Variants in TEX15 observed in about 807,000 individuals in gnomAD.
The protein encoded by TEX15 is testis-expressed protein 15.
TEX15 carries 171 observed loss-of-function variants against 237.3 expected under a neutral mutation model. That is an observed-to-expected ratio of 0.72 (90% CI 0.64 to 0.82). The LOEUF (loss-of-function observed/expected upper bound fraction) is 0.82. Among genes scored for constraint, TEX15 ranks in the 40% least tolerant of loss-of-function variants. The pLI is 0.00. For synonymous variants in TEX15, 1,338 were observed against 1,269.8 expected (o/e 1.05, Z -1.14); for missense variants, 3,750 against 3,646.5 (o/e 1.03, Z -0.73).
intron 8 of TEX15, among the ~76,000 whole-genome samples, chr8:30,841,334 C>T (rs1291228313): frequency 6.6e-6 from 1 of 152,136 alleles, no homozygotes; most frequent in East Asian, 1.9e-4. Flanking sequence ...GGCCAGACTG[C>T]CTGGTTTAGA....
At position 30,842,218 on chromosome 8, in the gene TEX15, T is replaced by C. The variant is rs768511382; in HGVS notation, c.7949A>G (p.Gln2650Arg). 1.2e-6 allele frequency: 2 copies of C among 1,612,560 alleles called. No homozygotes were observed. The highest frequency in any genetic ancestry group is 1.7e-6 in the Non-Finnish European group (2 of 1,179,390). ...ATTCATTTTTTCTTTTCTCTTCAGC[T>C]GTAAAATCTTCCTTCTGTTATACAG... ...QMLYNRRKIL[Q>R]LKRKEKMNIH... Residue 2650 changes from glutamine (Q) to arginine (R), a missense_variant, in exon 8 of 11, where the codon CAG becomes CGG. By Grantham distance (43) the Gln-to-Arg change is conservative. Coordinates refer to ENST00000643185, the MANE Select transcript of TEX15 (RefSeq NM_001350162.2).
Position 30,837,814 on chromosome 8 carries a change from T to C in TEX15, c.8470A>G (p.Asn2824Asp), listed in dbSNP as rs1271563578. 6.2e-7 allele frequency: 1 copy of C among 1,614,178 alleles called. No homozygotes were observed. The highest frequency in any genetic ancestry group is 1.7e-5 in the Admixed American group (1 of 60,020). Residue 2824 changes from asparagine (N) to aspartate (D), a missense_variant, in exon 10 of 11, where the codon AAC becomes GAC. By Grantham distance (23) the Asn-to-Asp change is conservative (BLOSUM62 1). Transcript: ENST00000643185. ...NLNSMKKRNV[N>D]FSAAETKSDK... ...CTTTTTGTTTCAGCAGCACTGAAGT[T>C]CACATTTCTTTTCTTCATGCTATTT...
intron 2 of TEX15, chr8:30,888,595 A>G (rs1305390239): frequency 7.8e-7 from 1 of 1,285,366 alleles, no homozygotes; most frequent in Admixed American, 2.3e-5. Flanking sequence ...GCTATGGAGT[A>G]TACACACAGG....
At chr8:30,859,399 CTT>C (rs1039352670) in intron 6 of TEX15, among the ~76,000 whole-genome samples, 32 of 151,982 alleles carry the variant, frequency 2.1e-4, no homozygotes, top group African/African-American at 7.0e-4. Flanking sequence ...TCAAAATAGC[CTT>C]GTTTTTTAAA....
intron 3 of TEX15, among the ~76,000 whole-genome samples, chr8:30,885,903 T>C (rs946823570): frequency 1.3e-5 from 2 of 152,224 alleles, no homozygotes; most frequent in African/African-American, 4.8e-5. Flanking sequence ...CAGTTCTAAG[T>C]CTTCTATTCA....
At position 30,875,044 on chromosome 8, in the gene TEX15, A is replaced by G. The variant is rs1316998963; in HGVS notation, c.195T>C (p.Leu65=). Reference sequence around the variant, plus strand: ...AGTTTACATCAAGCCTGCACTGGTTAAGAGTATCATGTATAAAACTATACT... The same window carrying G: ...AGTTTACATCAAGCCTGCACTGGTTGAGAGTATCATGTATAAAACTATACT... ...SREYSFIHDT[L]NQCRLDVNCD... Residue 65 remains leucine, a synonymous_variant, in exon 4 of 11, where the codon CTT becomes CTC. Transcript: ENST00000643185. 7.4e-7 allele frequency: 1 copy of G among 1,348,066 alleles called. No homozygotes were observed. Among genetic ancestry groups the G allele is most frequent in the South Asian group, 2.1e-5 (1 of 47,058 alleles). The allele number at this position is 1,348,066 out of a possible 1,614,324, so 83.5% of individuals were successfully genotyped here. A position where few individuals can be genotyped will look rare whatever the true frequency, so the allele number is the denominator to read the frequency against.
chr8:30,844,628 C>A lies in TEX15; in HGVS notation c.5539G>T (p.Val1847Phe). 1 of 1,613,290 alleles carries A rather than the reference C, an allele frequency of 6.2e-7. No individual in the cohort carries two copies. Among genetic ancestry groups the A allele is most frequent in the Non-Finnish European group, 8.5e-7 (1 of 1,179,556 alleles). Residue 1847 changes from valine (V) to phenylalanine (F), a missense_variant, in exon 8 of 11, where the codon GTT becomes TTT. Val to Phe is a conservative substitution (Grantham distance 50). Transcript: ENST00000643185. ...TCTTTTGCTTTTTCCGCTTGTTTAA[C>A]TTTCCACGTTATTCTGTCCTCAGTG... ...KDTEDRITWK[V>F]KQAEKAKDSV...
chr8:30,843,091 A>ACC lies in TEX15; in HGVS notation c.7075_7076insGG (p.Phe2359TrpfsTer35). ...TGGGTGTGCAAGCAAATTACTGTTA[A>ACC]ATTTAGAATTTTCTATGCTAATTGT... On this transcript the variant is annotated frameshift_variant, in exon 8 of 11. Transcript: ENST00000643185. LOFTEE classifies it high-confidence loss of function. The ACC allele has an allele frequency of 6.2e-7, 1 of 1,613,268 alleles. No homozygotes were observed. The highest frequency in any genetic ancestry group is 8.5e-7 in the Non-Finnish European group (1 of 1,179,608).
intron 7 of TEX15, among the ~76,000 whole-genome samples, chr8:30,851,725 T>C (rs1225864034): frequency 6.6e-6 from 1 of 152,010 alleles, no homozygotes; most frequent in Non-Finnish European, 1.5e-5. Context: ...TCTTCTGAGG[T>C]CAGGAGTTCG....
Position 30,847,446 on chromosome 8 carries a change from G to T in TEX15, c.2721C>A (p.Tyr907Ter). ...CAGAACTCAAAATTTCTATATTGTG[G>T]TAATTTTTGTCCTCCTTTTCATCTA... is the stretch of plus-strand genomic sequence containing the variant. ...SNIDEKEDKN[Y>*]HNIEILSSEE... Residue 907 changes from tyrosine (Y) to a stop codon, truncating the protein, a stop_gained, in exon 8 of 11, where the codon TAC (tyrosine) becomes TAA (stop). Coordinates refer to ENST00000643185, the MANE Select transcript of TEX15 (RefSeq NM_001350162.2). LOFTEE classifies it high-confidence loss of function. 6.2e-7 allele frequency: 1 copy of T among 1,610,866 alleles called. No individual in the cohort carries two copies. The highest frequency in any genetic ancestry group is 1.7e-5 in the Admixed American group (1 of 59,400).
chr8:30,839,136 C>T (rs926591023), intron 9 of TEX15, among the ~76,000 whole-genome samples: 5 of 151,856 alleles, frequency 3.3e-5, no homozygotes, highest in African/African-American at 1.2e-4. Flanking sequence ...TTTTTTGGTG[C>T]TTTATGAAAT....
Position 30,837,663 on chromosome 8 carries a change from G to C in TEX15, c.8621C>G (p.Ser2874Cys), listed in dbSNP as rs1402103151. 3.7e-6 allele frequency: 6 copies of C among 1,613,904 alleles called. No individual in the cohort carries two copies. Among genetic ancestry groups the C allele is most frequent in the Middle Eastern group, 1.6e-4 (1 of 6,084 alleles). Reference sequence around the variant, plus strand: ...TTCTGGGTTTATATCAGAAAGGCAGGATTTTTGGGTGGGATCTGGGGAATT... The same window carrying C: ...TTCTGGGTTTATATCAGAAAGGCAGCATTTTTGGGTGGGATCTGGGGAATT... Reference protein sequence around the residue: ...LKNSPDPTQKSCLSDINPETD... With the variant: ...LKNSPDPTQKCCLSDINPETD... Residue 2874 changes from serine to cysteine, a missense_variant, in exon 10 of 11, where the codon TCC becomes TGC. Coordinates refer to ENST00000643185, the MANE Select transcript of TEX15 (RefSeq NM_001350162.2).
At chr8:30,838,193 AC>A in intron 9 of TEX15, 132 bp from the exon 10 acceptor site, 1 of 770,304 alleles carries the variant, frequency 1.3e-6, no homozygotes, top group South Asian at 2.6e-5. Flanking sequence ...TTCTATTGGC[AC>A]TATACAAGTT....
intron 1 of TEX15, among the ~76,000 whole-genome samples, chr8:30,910,262 A>G (rs1266680786): frequency 1.3e-5 from 2 of 152,138 alleles, no homozygotes; most frequent in African/African-American, 2.4e-5. Flanking sequence ...ATTGAGTAAA[A>G]GCAATATAAT....
chr8:30,887,895 T>C (rs1808693837), intron 2 of TEX15: 3 of 31,438 alleles, frequency 9.5e-5, no homozygotes, highest in Admixed American at 6.2e-4. Flanking sequence ...ATTTCATATA[T>C]ATATATATAT....
intron 2 of TEX15, among the ~76,000 whole-genome samples, chr8:30,896,915 G>C (rs188970503): frequency 2.0e-5 from 3 of 152,258 alleles, no homozygotes; most frequent in African/African-American, 7.2e-5. Context: ...AAAAAGTCTA[G>C]AACTGATCAG....
At chr8:30,909,718 T>C (rs533179146) in intron 1 of TEX15, among the ~76,000 whole-genome samples, 18 of 152,162 alleles carry the variant, frequency 1.2e-4, no homozygotes, top group Non-Finnish European at 1.3e-4. Context: ...GAAGTATTAT[T>C]ACAAAGCAAG....
chr8:30,889,898 T>C (rs1808747456), intron 2 of TEX15, among the ~76,000 whole-genome samples: 1 of 143,536 alleles, frequency 7.0e-6, no homozygotes, highest in Non-Finnish European at 1.5e-5. Context: ...GAAATAGTCC[T>C]ACAATGATTA....
In TEX15 at chr8:30,839,925, C is replaced by T. The variant is rs1807411731; in HGVS notation, c.8203G>A (p.Ala2735Thr). 6.2e-7 allele frequency: 1 copy of T among 1,601,086 alleles called. No homozygotes were observed. Among genetic ancestry groups the T allele is most frequent in the Non-Finnish European group, 8.5e-7 (1 of 1,173,998 alleles). ...KDVTKINREK[A>T]TFKHPRTTGS... ...TCCTACCTTGGATGCTTGAATGTTG[C>T]CTTTTCTCTGTTGATTTTTGTGACA... The change falls in exon 9 of 11, where the codon GCA becomes ACA. Residue 2735 changes from alanine to threonine, a missense_variant. Coordinates refer to ENST00000643185, the MANE Select transcript of TEX15 (RefSeq NM_001350162.2).
Sources: gnomAD v4.1 joint callset for allele counts (sites outside exome capture counted in the v4.1 genomes callset) on GRCh38, gnomAD v4.1.1 for gene constraint, MANE v1.5 for transcripts, NCBI Gene and HGNC (gene_info 2026-07-23, HGNC 2026-07-21) for gene names.